Variants in ARL6 observed in about 807,000 individuals in gnomAD.
ARL6 encodes the protein ADP-ribosylation factor-like protein 6.
In ARL6, 18 loss-of-function variants were observed where a neutral mutation model predicts 27.1. The observed-to-expected ratio is 0.66, with a 90% CI of 0.46 to 0.98. The LOEUF (loss-of-function observed/expected upper bound fraction) is 0.98, where lower values mean the gene tolerates loss of function less well. ARL6 is among the 50% of genes least tolerant of loss of function. The pLI, the probability that ARL6 is intolerant of heterozygous loss-of-function variation, is 0.00. For synonymous variants in ARL6, 65 were observed against 72.3 expected (o/e 0.90, Z 0.51); for missense variants, 187 against 214.9 (o/e 0.87, Z 0.81).
chr3:97,796,564 G>A (rs2038014791), intron 7 of ARL6, among the ~76,000 whole-genome samples: 1 of 152,102 alleles, frequency 6.6e-6, no homozygotes, highest in African/African-American at 2.4e-5. Flanking sequence ...TCCTCGAACA[G>A]TATTTTCTAG....
chr3:97,798,329 A>G lies in ARL6; in HGVS notation c.*280A>G. ...CGTAGAATGTTTAAAAGTCAGTTAT[A>G]AGCCATCTCATCCCATCATAATTTA... On this transcript the variant is annotated 3_prime_UTR_variant, in exon 8 of 8. Transcript: ENST00000463745. 1 of 310,484 alleles carries G rather than the reference A, an allele frequency of 3.2e-6. No individual in the cohort carries two copies. The allele number at this position is 310,484 out of a possible 1,614,324, so 19.2% of individuals were successfully genotyped here. A position where few individuals can be genotyped will look rare whatever the true frequency, so the allele number is the denominator to read the frequency against.
intron 4 of ARL6, among the ~76,000 whole-genome samples, chr3:97,783,761 T>C (rs3856569): frequency 0.81 from 122,405 of 151,574 alleles, 49,528 homozygotes; most frequent in East Asian, 0.85. Context: ...TAATTTATGA[T>C]TAAGTGATTC....
chr3:97,789,504 G>T (rs1425528615), intron 6 of ARL6, among the ~76,000 whole-genome samples: 1 of 152,012 alleles, frequency 6.6e-6, no homozygotes, highest in African/African-American at 2.4e-5. Context: ...CATTTTAACA[G>T]ATTTATTTAT....
chr3:97,765,643 C>T (rs1229990836), intron 1 of ARL6, among the ~76,000 whole-genome samples: 4 of 152,162 alleles, frequency 2.6e-5, no homozygotes, highest in Non-Finnish European at 5.9e-5. Flanking sequence ...TTCTGAAAGC[C>T]AGTAGTTCTC....
chr3:97,772,848 G>A (rs956113530), intron 2 of ARL6, among the ~76,000 whole-genome samples: 1 of 151,818 alleles, frequency 6.6e-6, no homozygotes, highest in Admixed American at 6.6e-5. Context: ...CTCAAACTCC[G>A]ACCTCTGGTG....
Position 97,788,131 on chromosome 3 carries a change from T to C in ARL6, c.479+12T>C, listed in dbSNP as rs770639138. Reference sequence around the variant, plus strand: ...CCCTGGCATATTTGGTAAAGTTTTATATTTACTTTTCACTGTAGCTTTCTG... The same window carrying C: ...CCCTGGCATATTTGGTAAAGTTTTACATTTACTTTTCACTGTAGCTTTCTG... On this transcript the variant is annotated intron_variant, in intron 6 of 7. Coordinates refer to ENST00000463745, the MANE Select transcript of ARL6 (RefSeq NM_001278293.3). 3 of 1,611,504 alleles carry C rather than the reference T, an allele frequency of 1.9e-6. No homozygotes were observed. Among genetic ancestry groups the C allele is most frequent in the Admixed American group, 1.7e-5 (1 of 59,924 alleles).
At chr3:97,779,174 A>G (rs2108026954) in intron 2 of ARL6, among the ~76,000 whole-genome samples, 1 of 152,286 alleles carries the variant, frequency 6.6e-6, no homozygotes, top group East Asian at 1.9e-4. Flanking sequence ...CCCTTACCTC[A>G]ACATATCACT....
chr3:97,782,484 T>A (rs1274953405), intron 4 of ARL6, among the ~76,000 whole-genome samples: 1 of 151,988 alleles, frequency 6.6e-6, no homozygotes, highest in African/African-American at 2.4e-5. Flanking sequence ...TTTCCCTATT[T>A]TCGTACTTTT....
chr3:97,798,599 A>T lies in ARL6; in HGVS notation c.*550A>T, dbSNP rs2038112529. ...CTGTTAGTATGGTATTTCGTGTCAT[A>T]CTGTCAAGCATTTGTAAACCATCTG... On this transcript the variant is annotated 3_prime_UTR_variant, in exon 8 of 8. Coordinates refer to ENST00000463745, the MANE Select transcript of ARL6 (RefSeq NM_001278293.3). The T allele has an allele frequency of 6.5e-6, 1 of 152,718 alleles. No individual in the cohort carries two copies. Among genetic ancestry groups the T allele is most frequent in the Non-Finnish European group, 1.5e-5 (1 of 68,486 alleles). 9.5% of individuals were successfully genotyped at this position (152,718 alleles called of 1,614,324 possible). A position where few individuals can be genotyped will look rare whatever the true frequency, so the allele number is the denominator to read the frequency against.
Position 97,798,127 on chromosome 3 carries a change from G to T in ARL6, c.*78G>T. 13 of 1,396,712 alleles carry T rather than the reference G, an allele frequency of 9.3e-6. No individual in the cohort carries two copies. In the South Asian group the frequency reaches 1.4e-4, roughly 15 times the overall value. The allele number at this position is 1,396,712 out of a possible 1,614,324, so 86.5% of individuals were successfully genotyped here. On this transcript the variant is annotated 3_prime_UTR_variant, in exon 8 of 8. Transcript: ENST00000463745. ...GACAAATAGAATACATTTTGTAAAA[G>T]ATGTTTATGCATCAAAAAATATAAT...
At chr3:97,780,768 T>TATAAACTAAA in intron 4 of ARL6, 85 bp downstream of exon 4, 1 of 1,062,436 alleles carries the variant, frequency 9.4e-7, no homozygotes, top group Non-Finnish European at 1.4e-6. Flanking sequence ...ATGGCTAGGT[T>TATAAACTAAA]GTTTGGCTTT....
chr3:97,775,540 C>T (rs1471115181), intron 2 of ARL6, among the ~76,000 whole-genome samples: 1 of 152,034 alleles, frequency 6.6e-6, no homozygotes, highest in Non-Finnish European at 1.5e-5. Flanking sequence ...GGTGATTGTT[C>T]CCAGCACACT....
chr3:97,765,212 GT>G (rs1559664590), intron 1 of ARL6, among the ~76,000 whole-genome samples: 839 of 8,592 alleles, frequency 0.098, 6 homozygotes, highest in Middle Eastern at 0.14. Flanking sequence ...TGTATTGGGG[GT>G]GTGTGTGTGT....
intron 2 of ARL6, among the ~76,000 whole-genome samples, chr3:97,773,107 C>T (rs1479110547): frequency 2.0e-5 from 3 of 152,084 alleles, no homozygotes; most frequent in Non-Finnish European, 4.4e-5. Flanking sequence ...GGTATTAACT[C>T]ACACAGTCAC....
chr3:97,781,556 T>C (rs1389050230), intron 4 of ARL6, among the ~76,000 whole-genome samples: 2 of 152,082 alleles, frequency 1.3e-5, no homozygotes, highest in African/African-American at 4.8e-5. Context: ...TATAAGCAAA[T>C]ACTAAGCCAT....
intron 2 of ARL6, among the ~76,000 whole-genome samples, chr3:97,771,835 A>G (rs1275186598): frequency 6.6e-6 from 1 of 152,072 alleles, no homozygotes; most frequent in Non-Finnish European, 1.5e-5. Context: ...ATGGGCTCAT[A>G]TATTGATTTG....
At chr3:97,780,877 C>A (rs1247796548) in intron 4 of ARL6, among the ~76,000 whole-genome samples, 194 bp downstream of exon 4, 2 of 151,886 alleles carry the variant, frequency 1.3e-5, no homozygotes, top group Admixed American at 6.6e-5. Flanking sequence ...TGACTTCGGG[C>A]CTTTGCATGT....
At chr3:97,792,902 C>G (rs1382371892) in intron 7 of ARL6, among the ~76,000 whole-genome samples, 1 of 152,128 alleles carries the variant, frequency 6.6e-6, no homozygotes, top group Non-Finnish European at 1.5e-5. Context: ...ATTATAAATT[C>G]TAGCTACAGT....
At position 97,799,762 on chromosome 3, in the gene ARL6, C is replaced by A. The variant is rs1040914918; in HGVS notation, c.*1713C>A. On this transcript the variant is annotated 3_prime_UTR_variant, in exon 8 of 8. Transcript: ENST00000463745. ...CATTTTATAGATCAGTAAACTGAGG[C>A]GTTAAAATGTTATGTAATTTGCCAA... 1 of 152,070 alleles carries A rather than the reference C, an allele frequency of 6.6e-6. No homozygotes were observed. The highest frequency in any genetic ancestry group is 2.4e-5 in the African/African-American group (1 of 41,424). 9.4% of individuals were successfully genotyped at this position (152,070 alleles called of 1,614,324 possible).
Sources: gnomAD v4.1 joint callset for allele counts (sites outside exome capture counted in the v4.1 genomes callset) on GRCh38, gnomAD v4.1.1 for gene constraint, MANE v1.5 for transcripts, NCBI Gene and HGNC (gene_info 2026-07-23, HGNC 2026-07-21) for gene names.